NSD1: variants seen among roughly 807,000 people sequenced by gnomAD.
NSD1 encodes histone-lysine N-methyltransferase, H3 lysine-36 specific.
A neutral mutation model predicts 242.7 loss-of-function variants in NSD1; 26 were observed. That is an observed-to-expected ratio of 0.11 (90% confidence interval 0.08 to 0.15). NSD1 has a LOEUF of 0.15. NSD1 is among the 10% of genes least tolerant of loss of function. The probability of loss-of-function intolerance (pLI) is 1.00; values close to 1 mark genes in which losing one functional copy is unlikely to be tolerated. For synonymous variants in NSD1, 1,106 were observed against 1,178.1 expected (o/e 0.94, Z 1.25); for missense variants, 2,495 against 3,272.8 (o/e 0.76, Z 5.80).
chr5:177,281,673 G>A (rs947213429), intron 18 of NSD1, among the ~76,000 whole-genome samples: 2 of 152,108 alleles, frequency 1.3e-5, no homozygotes, highest in Admixed American at 6.5e-5. Context: ...TATTTTTTGA[G>A]AGAGGGTCTC....
chr5:177,292,174 C>T lies in NSD1; in HGVS notation c.6463+16C>T. ...CGACCAGCAGGTTGGTGCCAAAATC[C>T]ATTTGTACCGCTACTCGTTCTCTCC... On this transcript the variant is annotated intron_variant, in intron 22 of 22. Coordinates refer to ENST00000439151, the MANE Select transcript of NSD1 (RefSeq NM_022455.5). 1 of 1,612,510 alleles carries T rather than the reference C, an allele frequency of 6.2e-7. No homozygotes were observed. Among genetic ancestry groups the T allele is most frequent in the African/African-American group, 1.3e-5 (1 of 75,010 alleles).
chr5:177,192,061 TTAGAA>T, intron 3 of NSD1, 42 bp downstream of exon 3: 1 of 1,561,030 alleles, frequency 6.4e-7, no homozygotes. Context: ...GCAGTTGCCT[TTAGAA>T]TAACTCAATT....
chr5:177,212,768 T>C (rs1192315240), intron 5 of NSD1, among the ~76,000 whole-genome samples: 1 of 152,000 alleles, frequency 6.6e-6, no homozygotes, highest in Admixed American at 6.6e-5. Context: ...GATGGTAGTT[T>C]CTTTTTTTTT....
chr5:177,245,549 C>T (rs543401902), intron 9 of NSD1, among the ~76,000 whole-genome samples: 54 of 152,186 alleles, frequency 3.5e-4, no homozygotes, highest in African/African-American at 1.2e-3. Context: ...TATGAAATAC[C>T]TCTTAGATTC....
intron 2 of NSD1, among the ~76,000 whole-genome samples, chr5:177,171,017 TAAAA>T (rs569914153): frequency 7.3e-6 from 1 of 136,422 alleles, no homozygotes; most frequent in Non-Finnish European, 1.6e-5. Context: ...TTTACCATGT[TAAAA>T]AAAAAAAAAA....
intron 14 of NSD1, chr5:177,266,385 G>A (rs1291758593): frequency 1.5e-6 from 1 of 670,294 alleles, no homozygotes; most frequent in Non-Finnish European, 2.8e-6. Context: ...CGAACATGCA[G>A]AGGATGCTTG....
At chr5:177,192,809 G>A (rs965998026) in intron 3 of NSD1, among the ~76,000 whole-genome samples, 3 of 152,240 alleles carry the variant, frequency 2.0e-5, no homozygotes, top group East Asian at 1.9e-4. Flanking sequence ...GGGATTACAG[G>A]CGTGAGCCAC....
intron 2 of NSD1, among the ~76,000 whole-genome samples, chr5:177,183,474 C>G (rs1427271271): frequency 6.6e-6 from 1 of 151,920 alleles, no homozygotes; most frequent in Non-Finnish European, 1.5e-5. Flanking sequence ...TATGGTCATT[C>G]TGTGTTTAAG....
chr5:177,220,679 A>G (rs1306797312), intron 5 of NSD1, among the ~76,000 whole-genome samples: 5 of 139,822 alleles, frequency 3.6e-5, no homozygotes, highest in Middle Eastern at 4.6e-3. Flanking sequence ...AAGTAATTCT[A>G]GTGTCTCAGT....
chr5:177,275,118 G>A (rs1352856091), intron 17 of NSD1, among the ~76,000 whole-genome samples: 1 of 151,134 alleles, frequency 6.6e-6, no homozygotes, highest in Non-Finnish European at 1.5e-5. Context: ...GTTTAAGTTT[G>A]TCTCAAATAT....
At chr5:177,197,865 T>C (rs1173887881) in intron 3 of NSD1, among the ~76,000 whole-genome samples, 1 of 151,948 alleles carries the variant, frequency 6.6e-6, no homozygotes, top group East Asian at 1.9e-4. Context: ...GTACCTTTTT[T>C]GTTGTTGTTG....
chr5:177,149,600 T>C (rs1258649343), intron 2 of NSD1, among the ~76,000 whole-genome samples: 1 of 152,182 alleles, frequency 6.6e-6, no homozygotes, highest in Non-Finnish European at 1.5e-5. Context: ...GAAACAGTTT[T>C]TCCACAGGTG....
chr5:177,232,665 A>G (rs1765151137), intron 5 of NSD1, among the ~76,000 whole-genome samples: 4 of 152,254 alleles, frequency 2.6e-5, no homozygotes, highest in Admixed American at 2.6e-4. Flanking sequence ...GTTTTCCAAA[A>G]TAACCCACAT....
intron 3 of NSD1, among the ~76,000 whole-genome samples, chr5:177,192,616 G>A (rs572921777): frequency 3.9e-5 from 6 of 152,170 alleles, no homozygotes; most frequent in Admixed American, 2.0e-4. Flanking sequence ...GACTGGTCTC[G>A]AGCTCCCGAC....
At chr5:177,189,443 A>T (rs1026009903) in intron 2 of NSD1, among the ~76,000 whole-genome samples, 1 of 152,222 alleles carries the variant, frequency 6.6e-6, no homozygotes, top group Non-Finnish European at 1.5e-5. Flanking sequence ...TAGTTCTCTG[A>T]GGAGAAGACA....
chr5:177,173,743 A>AT (rs1759929201), intron 2 of NSD1, among the ~76,000 whole-genome samples: 1 of 152,004 alleles, frequency 6.6e-6, no homozygotes, highest in Non-Finnish European at 1.5e-5. Flanking sequence ...AAGTGCCGGG[A>AT]TTACAGGCAT....
chr5:177,261,842 T>C (rs1254779084), intron 14 of NSD1, among the ~76,000 whole-genome samples: 2 of 152,236 alleles, frequency 1.3e-5, no homozygotes, highest in Non-Finnish European at 2.9e-5. Context: ...GGCAATAATT[T>C]TTTTATTATC....
chr5:177,159,204 G>T (rs1397697237), intron 2 of NSD1, among the ~76,000 whole-genome samples: 1 of 150,912 alleles, frequency 6.6e-6, no homozygotes, highest in African/African-American at 2.4e-5. Context: ...CACCATGCCC[G>T]GATTTTTTGT....
intron 2 of NSD1, among the ~76,000 whole-genome samples, chr5:177,173,402 G>A (rs1420301547): frequency 6.6e-6 from 1 of 151,476 alleles, no homozygotes; most frequent in Non-Finnish European, 1.5e-5. Context: ...GTGCTGTGAT[G>A]GGAGGATTGA....
Sources: gnomAD v4.1 joint callset for allele counts (sites outside exome capture counted in the v4.1 genomes callset) on GRCh38, gnomAD v4.1.1 for gene constraint, MANE v1.5 for transcripts, NCBI Gene and HGNC (gene_info 2026-07-23, HGNC 2026-07-21) for gene names.